PATJ: variants seen among roughly 807,000 people sequenced by gnomAD.
PATJ encodes inaD-like protein.
Under a neutral mutation model 224.9 loss-of-function variants are expected in PATJ, and 190 were observed. The observed-to-expected ratio is 0.84, with a 90% CI of 0.75 to 0.95. The LOEUF is 0.95. Ranked by LOEUF, PATJ falls within the 40% of genes least tolerant of loss-of-function variation. PATJ has a pLI of 0.00. For synonymous variants in PATJ, 769 were observed against 820.3 expected, an observed-to-expected ratio of 0.94 and a Z score of 1.07; for missense variants, 2,121 against 2,270.3, an observed-to-expected ratio of 0.93 and a Z score of 1.34.
intron 14 of PATJ, among the ~76,000 whole-genome samples, chr1:61,820,507 T>TGGCA (rs1194405432): frequency 2.0e-5 from 3 of 152,102 alleles, no homozygotes; most frequent in African/African-American, 7.2e-5. Context: ...CACACTCAGC[T>TGGCA]AATTTTGTAT....
intron 15 of PATJ, among the ~76,000 whole-genome samples, chr1:61,826,680 G>A (rs1252535760): frequency 2.0e-5 from 3 of 152,084 alleles, no homozygotes; most frequent in African/African-American, 7.2e-5. Flanking sequence ...TTGGTGACAA[G>A]GATTAATCAT....
intron 1 of PATJ, among the ~76,000 whole-genome samples, chr1:61,745,790 G>A (rs1353158017): frequency 6.7e-6 from 1 of 150,244 alleles, no homozygotes. Context: ...TTTTAGTAGA[G>A]ATGGGGTTTC....
At chr1:61,761,575 G>A (rs143577672) in intron 1 of PATJ, among the ~76,000 whole-genome samples, 12 of 152,280 alleles carry the variant, frequency 7.9e-5, no homozygotes, top group African/African-American at 2.9e-4. Flanking sequence ...GATGAAGAAG[G>A]AAGAGTTGTG....
chr1:61,935,372 G>A (rs1280297546), intron 27 of PATJ, among the ~76,000 whole-genome samples: 1 of 152,034 alleles, frequency 6.6e-6, no homozygotes, highest in Non-Finnish European at 1.5e-5. Context: ...TAGGTATTTT[G>A]TTTTTCTACC....
At chr1:62,140,652 C>CAA (rs201127245) in intron 41 of PATJ, among the ~76,000 whole-genome samples, 1 of 144,470 alleles carries the variant, frequency 6.9e-6, no homozygotes, top group South Asian at 2.2e-4. Context: ...GACACCACCT[C>CAA]AAAAAAAAAA....
intron 26 of PATJ, among the ~76,000 whole-genome samples, chr1:61,916,310 G>A (rs1319803426): frequency 6.6e-6 from 1 of 151,906 alleles, no homozygotes; most frequent in Non-Finnish European, 1.5e-5. Context: ...ATATATATAT[G>A]TGTGTATATA....
chr1:62,117,448 C>G, intron 37 of PATJ: 1 of 1,349,834 alleles, frequency 7.4e-7, no homozygotes, highest in Non-Finnish European at 9.5e-7. Context: ...CTTGGAAGCT[C>G]TTTTCTCTCT....
chr1:61,833,389 T>TAC (rs1277916207), intron 16 of PATJ: 12 of 266,178 alleles, frequency 4.5e-5, no homozygotes, highest in Non-Finnish European at 7.7e-5. Context: ...TCAGTGTTAA[T>TAC]ACTTTGAATG....
chr1:61,864,118 A>G (rs1169965091), intron 19 of PATJ, 120 bp from the exon 20 acceptor site: 8 of 726,620 alleles, frequency 1.1e-5, no homozygotes, highest in Admixed American at 5.4e-5. Context: ...AGAGCTGTGC[A>G]TGTTAGCTGT....
chr1:61,871,403 G>GTA (rs74186729), intron 20 of PATJ, among the ~76,000 whole-genome samples: 1,624 of 43,248 alleles, frequency 0.038, 102 homozygotes, highest in African/African-American at 0.053. Flanking sequence ...ATATATATGT[G>GTA]TATATATATA....
At chr1:61,977,695 A>C (rs756875707) in intron 27 of PATJ, among the ~76,000 whole-genome samples, 1 of 151,652 alleles carries the variant, frequency 6.6e-6, no homozygotes, top group Admixed American at 6.6e-5. Context: ...CTGGCATTAC[A>C]GTATTTTACA....
intron 14 of PATJ, among the ~76,000 whole-genome samples, chr1:61,813,998 T>C (rs2148668074): frequency 6.6e-6 from 1 of 152,180 alleles, no homozygotes; most frequent in Admixed American, 6.5e-5. Flanking sequence ...CTTCCAAAGG[T>C]CTTTTTCTTT....
intron 26 of PATJ, among the ~76,000 whole-genome samples, chr1:61,915,666 T>A (rs1470479124): frequency 6.6e-6 from 1 of 151,240 alleles, no homozygotes; most frequent in Non-Finnish European, 1.5e-5. Context: ...TTATTTCTTT[T>A]AATTAATTTT....
intron 28 of PATJ, 127 bp from the exon 29 acceptor site, chr1:62,017,729 C>CAAAAAAAAA (rs58692636): frequency 1.5e-5 from 5 of 324,362 alleles, no homozygotes; most frequent in Admixed American, 5.1e-5. Flanking sequence ...GAGACTGTCT[C>CAAAAAAAAA]AAAAAAAAAA....
chr1:61,932,546 A>G (rs1458473598), intron 27 of PATJ, among the ~76,000 whole-genome samples: 1 of 152,228 alleles, frequency 6.6e-6, no homozygotes, highest in African/African-American at 2.4e-5. Context: ...AGACATGAAA[A>G]TAACCATTGA....
intron 38 of PATJ, 29 bp downstream of exon 38, chr1:62,121,324 C>T: frequency 7.9e-7 from 1 of 1,265,896 alleles, no homozygotes; most frequent in African/African-American, 1.6e-5. Flanking sequence ...CAGAGCAAAA[C>T]TATCCTGTTA....
chr1:61,983,197 CCAT>C (rs777704017), intron 27 of PATJ, among the ~76,000 whole-genome samples: 52 of 151,958 alleles, frequency 3.4e-4, no homozygotes, highest in Non-Finnish European at 6.5e-4. Context: ...CTTTTAAACT[CCAT>C]CTAACTATGA....
At chr1:62,049,284 G>C (rs1294266069) in intron 30 of PATJ, among the ~76,000 whole-genome samples, 1 of 95,698 alleles carries the variant, frequency 1.0e-5, no homozygotes, top group Non-Finnish European at 2.3e-5. Context: ...CACACACAGA[G>C]TATTTTTTTT....
intron 4 of PATJ, among the ~76,000 whole-genome samples, chr1:61,768,725 C>T (rs1370818060): frequency 6.6e-6 from 1 of 151,268 alleles, no homozygotes; most frequent in Non-Finnish European, 1.5e-5. Flanking sequence ...CATGGCGAAA[C>T]CCCGTCTCCA....
Sources: allele counts gnomAD v4.1 joint callset (sites outside exome capture counted in the v4.1 genomes callset), GRCh38; gene constraint gnomAD v4.1.1; transcripts MANE v1.5; gene names NCBI Gene and HGNC (gene_info 2026-07-23, HGNC 2026-07-21).